The following SLC25A21 variants were observed in gnomAD, a reference collection of about 807,000 sequenced individuals.
The protein encoded by SLC25A21 is mitochondrial 2-oxodicarboxylate carrier.
Under a neutral mutation model 43.8 loss-of-function variants are expected in SLC25A21, and 47 were observed. The ratio of observed to expected loss-of-function variants is 1.07; its 90% CI spans 0.85 to 1.37. The LOEUF is 1.37. SLC25A21 is among the 40% of genes most tolerant of loss of function. The pLI is 0.00. For synonymous variants in SLC25A21, 131 were observed against 121.3 expected, an observed-to-expected ratio of 1.08 and a Z score of -0.52; for missense variants, 352 against 350.2, an observed-to-expected ratio of 1.00 and a Z score of -0.04.
intron 1 of SLC25A21, among the ~76,000 whole-genome samples, chr14:37,140,851 A>AT (rs1253290859): frequency 1.3e-5 from 2 of 151,872 alleles, no homozygotes; most frequent in Non-Finnish European, 2.9e-5. Flanking sequence ...TTTTAACTTT[A>AT]TAAGATCTTA....
At chr14:37,155,605 C>T (rs1963834315) in intron 1 of SLC25A21, among the ~76,000 whole-genome samples, 1 of 152,034 alleles carries the variant, frequency 6.6e-6, no homozygotes, top group African/African-American at 2.4e-5. Flanking sequence ...TAGCAGAAAC[C>T]TTATAGGCCA....
At chr14:37,073,256 C>T (rs922106366) in intron 1 of SLC25A21, among the ~76,000 whole-genome samples, 5 of 152,226 alleles carry the variant, frequency 3.3e-5, no homozygotes, top group African/African-American at 1.2e-4. Context: ...TAACTCTTAG[C>T]TTTTAATCCT....
At chr14:36,838,365 G>A (rs188159989) in intron 2 of SLC25A21, among the ~76,000 whole-genome samples, 256 of 152,356 alleles carry the variant, frequency 1.7e-3, no homozygotes, top group African/African-American at 5.9e-3. Flanking sequence ...AGTGCTGGCA[G>A]CTACCTAGTC....
chr14:36,896,334 T>A (rs923073007), intron 1 of SLC25A21, among the ~76,000 whole-genome samples: 4 of 152,206 alleles, frequency 2.6e-5, no homozygotes, highest in Admixed American at 2.6e-4. Context: ...TGGTTTAAAG[T>A]CTGTTTTGTC....
chr14:36,731,154 T>A (rs1352170566), intron 4 of SLC25A21, among the ~76,000 whole-genome samples: 1 of 152,180 alleles, frequency 6.6e-6, no homozygotes, highest in East Asian at 1.9e-4. Context: ...TTTGTATTTT[T>A]AGTAGAGACG....
At chr14:37,019,865 G>T (rs1960946783) in intron 1 of SLC25A21, among the ~76,000 whole-genome samples, 1 of 151,706 alleles carries the variant, frequency 6.6e-6, no homozygotes, top group Non-Finnish European at 1.5e-5. Flanking sequence ...TTTAAAAAAA[G>T]AGTGAAATTA....
At chr14:37,114,182 G>A (rs148867106) in intron 1 of SLC25A21, among the ~76,000 whole-genome samples, 62 of 152,278 alleles carry the variant, frequency 4.1e-4, no homozygotes, top group Admixed American at 9.8e-4. Context: ...TCCGGGTTGG[G>A]TTTGCATTCC....
chr14:36,955,242 A>C (rs764725438), intron 1 of SLC25A21, among the ~76,000 whole-genome samples: 18 of 152,226 alleles, frequency 1.2e-4, no homozygotes, highest in Non-Finnish European at 1.9e-4. Context: ...TCAAAAAAGA[A>C]GAATGCACTC....
At chr14:36,698,621 C>A (rs1226789177) in intron 7 of SLC25A21, among the ~76,000 whole-genome samples, 1 of 152,086 alleles carries the variant, frequency 6.6e-6, no homozygotes, top group Non-Finnish European at 1.5e-5. Context: ...TCTTTTTACT[C>A]TTTTTTTCTC....
intron 1 of SLC25A21, among the ~76,000 whole-genome samples, chr14:37,033,887 T>C (rs1460668563): frequency 6.6e-6 from 1 of 152,220 alleles, no homozygotes; most frequent in African/African-American, 2.4e-5. Context: ...AGGTATTCCA[T>C]GGTTTATTTT....
At chr14:36,691,493 TG>T (rs1882792976) in intron 7 of SLC25A21, among the ~76,000 whole-genome samples, 1 of 152,266 alleles carries the variant, frequency 6.6e-6, no homozygotes, top group Non-Finnish European at 1.5e-5. Context: ...ACTTAATTGA[TG>T]TTCCTCACCA....
intron 1 of SLC25A21, among the ~76,000 whole-genome samples, chr14:36,940,188 C>T (rs1419274774): frequency 6.6e-6 from 1 of 152,080 alleles, no homozygotes; most frequent in African/African-American, 2.4e-5. Context: ...TTAATCTGTT[C>T]ATACATTACT....
chr14:36,922,424 T>G lies in SLC25A21; in HGVS notation c.71-47420A>C, dbSNP rs112026423. ...ACCAAAGTACTGTGGTCTCACTGAA[T>G]TGAGACAAAGATTAGAGCTCAGGAA... On this transcript the variant is annotated intron_variant, in intron 1 of 9. Transcript: ENST00000331299. 2.4e-3 allele frequency among the ~76,000 whole-genome samples: 364 copies of G among 152,126 alleles called. 4 individuals carry two copies. The highest frequency in any genetic ancestry group is 8.2e-3 in the African/African-American group (341 of 41,514).
chr14:36,744,611 C>A (rs946749385), intron 3 of SLC25A21, among the ~76,000 whole-genome samples: 3 of 37,082 alleles, frequency 8.1e-5, no homozygotes, highest in Non-Finnish European at 1.5e-4. Context: ...AGGAGAAATT[C>A]TTCTGAACAT....
intron 1 of SLC25A21, among the ~76,000 whole-genome samples, chr14:36,984,516 C>G (rs994594420): frequency 1.3e-5 from 2 of 151,102 alleles, no homozygotes; most frequent in African/African-American, 4.9e-5. Flanking sequence ...TTCTTTGTGC[C>G]CTTTTAAAAT....
chr14:37,164,615 A>T (rs956955315), intron 1 of SLC25A21, among the ~76,000 whole-genome samples: 9 of 152,320 alleles, frequency 5.9e-5, no homozygotes, highest in Admixed American at 4.6e-4. Flanking sequence ...TTCAAATTAA[A>T]ATCCAAAGGA....
At chr14:36,710,773 A>G (rs1230486308) in intron 7 of SLC25A21, among the ~76,000 whole-genome samples, 2 of 152,182 alleles carry the variant, frequency 1.3e-5, no homozygotes, top group African/African-American at 4.8e-5. Context: ...GATGATGATA[A>G]TAATTATCAT....
At chr14:36,726,235 A>G (rs1262424319) in intron 5 of SLC25A21, among the ~76,000 whole-genome samples, 3 of 152,178 alleles carry the variant, frequency 2.0e-5, no homozygotes, top group African/African-American at 7.2e-5. Flanking sequence ...TCTTTTCCCT[A>G]TTTTAAAAAA....
intron 2 of SLC25A21, among the ~76,000 whole-genome samples, chr14:36,844,465 A>T (rs1490772165): frequency 3.3e-5 from 5 of 152,192 alleles, no homozygotes; most frequent in Non-Finnish European, 7.3e-5. Flanking sequence ...ATAAAACTGG[A>T]TTATCCAGAG....
Sources: allele counts gnomAD v4.1 joint callset (sites outside exome capture counted in the v4.1 genomes callset), GRCh38; gene constraint gnomAD v4.1.1; transcripts MANE v1.5; gene names NCBI Gene and HGNC (gene_info 2026-07-23, HGNC 2026-07-21).